The following COPG2 variants were observed in gnomAD, a reference collection of about 807,000 sequenced individuals.
The protein encoded by COPG2 is coat protein complex I subunit gamma 2.
COPG2 carries 37 observed loss-of-function variants against 46.3 expected under a neutral mutation model. The ratio of observed to expected loss-of-function variants is 0.80; its 90% CI spans 0.61 to 1.05. The LOEUF is 1.05. COPG2 is among the 50% of genes least tolerant of loss of function. The pLI is 0.00. For missense variants in COPG2, 427 were observed against 387.8 expected (o/e 1.10, Z -0.85); for synonymous variants, 159 against 129.7 (o/e 1.23, Z -1.53).
At chr7:130,591,726 G>A (rs1237104326) in intron 9 of COPG2, among the ~76,000 whole-genome samples, 1 of 145,484 alleles carries the variant, frequency 6.9e-6, no homozygotes, top group African/African-American at 2.6e-5. Context: ...CGGGAAGGAG[G>A]TGGGGGGGTC....
intron 5 of COPG2, among the ~76,000 whole-genome samples, chr7:130,634,967 T>C (rs1230443214): frequency 6.6e-6 from 1 of 151,526 alleles, no homozygotes; most frequent in Non-Finnish European, 1.5e-5. Context: ...ATTGAGATAA[T>C]CATGTGGTTT....
At chr7:130,635,700 T>G (rs1795324023) in intron 5 of COPG2, among the ~76,000 whole-genome samples, 1 of 152,214 alleles carries the variant, frequency 6.6e-6, no homozygotes, top group South Asian at 2.1e-4. Flanking sequence ...TGTCTCTATC[T>G]CCTTCAGTTC....
chr7:130,610,104 A>G (rs1794816017), intron 9 of COPG2: 1 of 519,588 alleles, frequency 1.9e-6, no homozygotes, highest in Admixed American at 1.9e-5. Context: ...TATGGGTTAC[A>G]TGTCACTGCC....
intron 21 of COPG2, chr7:130,508,032 C>G (rs1799530254): frequency 1.9e-6 from 1 of 527,890 alleles, no homozygotes; most frequent in Non-Finnish European, 3.4e-6. Flanking sequence ...AGATCAACAT[C>G]TGTAGCCCTG....
chr7:130,577,048 C>T (rs1794011011), intron 9 of COPG2, among the ~76,000 whole-genome samples: 1 of 152,192 alleles, frequency 6.6e-6, no homozygotes, highest in Non-Finnish European at 1.5e-5. Context: ...ATACAACTCT[C>T]CTAGCTTAAA....
intron 9 of COPG2, among the ~76,000 whole-genome samples, chr7:130,590,492 G>C (rs1242143339): frequency 1.7e-4 from 26 of 152,162 alleles, no homozygotes; most frequent in Admixed American, 1.7e-3. Flanking sequence ...TCCTAACCGC[G>C]AGTGATCCGC....
At chr7:130,668,391 G>GGGGCGCGCGCGGGCGCCGGGGC (rs1158267629) in intron 1 of COPG2, among the ~76,000 whole-genome samples, 2 of 148,814 alleles carry the variant, frequency 1.3e-5, no homozygotes, top group Non-Finnish European at 3.0e-5. Flanking sequence ...GGGCGGGAAC[G>GGGGCGCGCGCGGGCGCCGGGGC]GGGCGCGCGC....
At chr7:130,609,163 G>A (rs1329842876) in intron 9 of COPG2, among the ~76,000 whole-genome samples, 1 of 152,094 alleles carries the variant, frequency 6.6e-6, no homozygotes, top group African/African-American at 2.4e-5. Context: ...TTACAGCCAT[G>A]AGCCACCGCA....
intron 20 of COPG2, among the ~76,000 whole-genome samples, chr7:130,532,808 C>T (rs1300213077): frequency 9.2e-5 from 14 of 152,078 alleles, no homozygotes; most frequent in African/African-American, 1.2e-4. Flanking sequence ...CGGTGCAGTA[C>T]GTGTGACGCA....
At chr7:130,599,139 C>T (rs1691352229) in intron 9 of COPG2, among the ~76,000 whole-genome samples, 1 of 152,164 alleles carries the variant, frequency 6.6e-6, no homozygotes, top group Admixed American at 6.5e-5. Context: ...AAACTGTCCT[C>T]CTCCCTCATC....
rs781940067 is a variant in COPG2 at position 130,506,706 on chromosome 7, AG to A, written c.2585del (p.Pro862LeufsTer2). 1 of 780,420 alleles carries A rather than the reference AG, an allele frequency of 1.3e-6. No homozygotes were observed. Among genetic ancestry groups the A allele is most frequent in the African/African-American group, 1.7e-5 (1 of 59,236 alleles). The allele number at this position is 780,420 out of a possible 1,614,324, so 48.3% of individuals were successfully genotyped here. On this transcript the variant is annotated frameshift_variant, in exon 24 of 24. Transcript: ENST00000425248. LOFTEE classifies it high-confidence loss of function. ...QVTVRSKERT[P>X]VDVILASVG ...CAACAGAAGCTAAGATAACATCTAC[AG>A]GTGTTCTCTCTTTACTTCTGACAGT...
intron 9 of COPG2, among the ~76,000 whole-genome samples, chr7:130,591,331 GCCGCCC>G (rs1794416682): frequency 2.0e-5 from 1 of 49,838 alleles, no homozygotes; most frequent in African/African-American, 7.6e-5. Flanking sequence ...CCTCTGCCCG[GCCGCCC>G]CTACTGCGAA....
At chr7:130,654,978 T>C (rs1161851178) in intron 4 of COPG2, among the ~76,000 whole-genome samples, 1 of 152,186 alleles carries the variant, frequency 6.6e-6, no homozygotes, top group Non-Finnish European at 1.5e-5. Context: ...ATTTTATGCT[T>C]TATTCTTGTT....
intron 4 of COPG2, among the ~76,000 whole-genome samples, chr7:130,653,549 C>A (rs1169758009): frequency 6.6e-6 from 1 of 152,182 alleles, no homozygotes; most frequent in African/African-American, 2.4e-5. Flanking sequence ...AATGAGATTT[C>A]TAGATGAATA....
intron 20 of COPG2, among the ~76,000 whole-genome samples, chr7:130,512,311 TAA>T (rs1198842416): frequency 1.5e-5 from 2 of 132,436 alleles, no homozygotes; most frequent in Non-Finnish European, 1.6e-5. Flanking sequence ...AAACTCCATC[TAA>T]AAAAAAAAAA....
intron 9 of COPG2, among the ~76,000 whole-genome samples, chr7:130,584,302 G>C (rs1554447711): frequency 6.6e-6 from 1 of 151,950 alleles, no homozygotes; most frequent in East Asian, 1.9e-4. Context: ...GTATACAAGG[G>C]ACATACCTCA....
At position 130,622,066 on chromosome 7, in the gene COPG2, A is replaced by G. The variant is rs547170757; in HGVS notation, c.324-5001T>C. On this transcript the variant is annotated intron_variant, in intron 5 of 23. Transcript: ENST00000425248. ...CATAGCTTTGGCTGTCCTGACAGCA[A>G]AGGCTTGCATAAAGGTAGTTTATTT... is the stretch of plus-strand genomic sequence containing the variant. Among the ~76,000 whole-genome samples, 74 of 152,256 alleles carry G rather than the reference A, an allele frequency of 4.9e-4. 1 individual carries two copies. Among genetic ancestry groups the G allele is most frequent in the African/African-American group, 1.7e-3 (70 of 41,552 alleles).
chr7:130,575,409 A>G (rs1793984294), intron 9 of COPG2, among the ~76,000 whole-genome samples: 1 of 152,188 alleles, frequency 6.6e-6, no homozygotes, highest in Non-Finnish European at 1.5e-5. Context: ...CAGTCTCCTC[A>G]AACAAGACAA....
chr7:130,521,841 G>T (rs1304369106), intron 20 of COPG2, among the ~76,000 whole-genome samples: 1 of 152,082 alleles, frequency 6.6e-6, no homozygotes, highest in East Asian at 1.9e-4. Flanking sequence ...ATGGACCAAA[G>T]ATATGGAAGG....
Sources: gnomAD v4.1 joint callset for allele counts (sites outside exome capture counted in the v4.1 genomes callset) on GRCh38, gnomAD v4.1.1 for gene constraint, MANE v1.5 for transcripts, NCBI Gene and HGNC (gene_info 2026-07-23, HGNC 2026-07-21) for gene names.